The following FBXO28 variants were observed in gnomAD, a reference collection of about 807,000 sequenced individuals.
FBXO28 encodes F-box only protein 28.
A neutral mutation model predicts 38.1 loss-of-function variants in FBXO28; 8 were observed. The observed-to-expected ratio is 0.21, with a 90% CI of 0.12 to 0.38. The LOEUF is 0.38. FBXO28 is among the 10% of genes least tolerant of loss of function. FBXO28 has a pLI of 1.00. For missense variants in FBXO28, 345 were observed against 460.6 expected (o/e 0.75, Z 2.30); for synonymous variants, 168 against 173.8 (o/e 0.97, Z 0.26).
chr1:224,122,235 AT>A (rs1656796354), intron 1 of FBXO28, among the ~76,000 whole-genome samples: 1 of 151,884 alleles, frequency 6.6e-6, no homozygotes, highest in Admixed American at 6.6e-5. Flanking sequence ...TTTTTAAATG[AT>A]TTTTTCGTCC....
At chr1:224,142,533 A>G (rs187545352) in intron 3 of FBXO28, among the ~76,000 whole-genome samples, 19 of 150,696 alleles carry the variant, frequency 1.3e-4, no homozygotes, top group Admixed American at 8.6e-4. Flanking sequence ...AAAAAAAATC[A>G]GGCTGGGCTC....
chr1:224,152,558 G>A lies in FBXO28; in HGVS notation c.517-584G>A, dbSNP rs190034016. ...ACTGTGATTTCCTTCAGGGTTAGAAGCTTTATTTTATTCATCCTGATTCCT... is the reference window on the plus strand; with the variant it reads ...ACTGTGATTTCCTTCAGGGTTAGAAACTTTATTTTATTCATCCTGATTCCT... On this transcript the variant is annotated intron_variant, in intron 3 of 4. Transcript: ENST00000366862. Among the ~76,000 whole-genome samples, 158 of 152,246 alleles carry A rather than the reference G, an allele frequency of 1.0e-3. 3 individuals are homozygous for A. Among genetic ancestry groups the A allele is most frequent in the Admixed American group, 9.2e-3 (141 of 15,282 alleles).
chr1:224,114,372 C>A lies in FBXO28; in HGVS notation c.243C>A (p.Tyr81Ter). The change falls in exon 1 of 5, where the codon TAC becomes TAA. Residue 81 changes from tyrosine (Y) to a stop codon, truncating the protein, a stop_gained. Transcript: ENST00000366862. LOFTEE classifies it high-confidence loss of function. Reference protein sequence around the residue: ...AIENILSFMSYDEISQLRLVC... With the variant: ...AIENILSFMS ...AGAACATCCTCAGCTTTATGTCCTACGACGAAATTAGCCAGCTCCGCCTGG... is the reference window on the plus strand; with the variant it reads ...AGAACATCCTCAGCTTTATGTCCTAAGACGAAATTAGCCAGCTCCGCCTGG... 1 of 1,594,318 alleles carries A rather than the reference C, an allele frequency of 6.3e-7. No individual in the cohort carries two copies. Among genetic ancestry groups the A allele is most frequent in the Non-Finnish European group, 8.5e-7 (1 of 1,169,774 alleles).
intron 1 of FBXO28, among the ~76,000 whole-genome samples, chr1:224,117,989 A>AT (rs1209401533): frequency 5.9e-4 from 55 of 93,470 alleles, no homozygotes; most frequent in Admixed American, 2.8e-3. Flanking sequence ...GAGCTTTTTA[A>AT]TTAATTAATT....
intron 1 of FBXO28, among the ~76,000 whole-genome samples, chr1:224,128,503 T>C (rs12737029): frequency 0.16 from 24,009 of 152,106 alleles, 2,052 homozygotes; most frequent in Middle Eastern, 0.24. Flanking sequence ...TATAGCACTT[T>C]AGAGTTTACC....
chr1:224,118,445 A>G (rs921397957), intron 1 of FBXO28, among the ~76,000 whole-genome samples: 1 of 152,176 alleles, frequency 6.6e-6, no homozygotes, highest in African/African-American at 2.4e-5. Flanking sequence ...AATTGGAATC[A>G]TATTAGTGGT....
At chr1:224,133,757 C>T (rs553026364) in intron 2 of FBXO28, among the ~76,000 whole-genome samples, 8 of 152,086 alleles carry the variant, frequency 5.3e-5, no homozygotes, top group East Asian at 3.9e-4. Flanking sequence ...GTGATCCACC[C>T]GCCTCAGCCT....
chr1:224,149,745 A>G (rs1430345858), intron 3 of FBXO28, among the ~76,000 whole-genome samples: 1 of 152,202 alleles, frequency 6.6e-6, no homozygotes, highest in African/African-American at 2.4e-5. Flanking sequence ...ACAAATTGTA[A>G]TGTGTGTTCT....
intron 1 of FBXO28, among the ~76,000 whole-genome samples, chr1:224,122,615 C>T (rs528353694): frequency 6.6e-6 from 1 of 152,024 alleles, no homozygotes; most frequent in East Asian, 1.9e-4. Context: ...CAGCCCCCCC[C>T]AAGCCCCGCC....
chr1:224,151,762 G>T (rs116275907), intron 3 of FBXO28, among the ~76,000 whole-genome samples: 1,733 of 152,226 alleles, frequency 0.011, 47 homozygotes, highest in African/African-American at 0.04. Context: ...GGAATTTTAG[G>T]TCGGGCATGG....
intron 3 of FBXO28, among the ~76,000 whole-genome samples, chr1:224,144,267 C>A (rs902192325): frequency 6.6e-6 from 1 of 150,756 alleles, no homozygotes; most frequent in African/African-American, 2.4e-5. Context: ...AATTCAAGAC[C>A]AGCCTGAGCA....
chr1:224,133,007 A>T (rs967539041), intron 2 of FBXO28, among the ~76,000 whole-genome samples: 2 of 152,164 alleles, frequency 1.3e-5, no homozygotes, highest in African/African-American at 4.8e-5. Context: ...CCATCAGCTG[A>T]TGAGCAAACA....
intron 1 of FBXO28, among the ~76,000 whole-genome samples, chr1:224,122,883 A>C (rs936161079): frequency 6.6e-6 from 1 of 152,232 alleles, no homozygotes; most frequent in Non-Finnish European, 1.5e-5. Context: ...GCAGTTCTAT[A>C]ACAGCAGAGT....
rs1657856262 is a variant in FBXO28 at position 224,159,760 on chromosome 1, C to T, written c.*2014C>T. On this transcript the variant is annotated 3_prime_UTR_variant, in exon 5 of 5. Transcript: ENST00000366862. ...TGTTTACAGATTTACAGAGTGTGAT[C>T]CGTATGCATCAAAGGGATACAGCCC... 2.0e-5 allele frequency: 3 copies of T among 151,974 alleles called. No homozygotes were observed. The highest frequency in any genetic ancestry group is 4.8e-5 in the African/African-American group (2 of 41,376). The allele number at this position is 151,974 out of a possible 1,614,324, so 9.4% of individuals were successfully genotyped here. A position where few individuals can be genotyped will look rare whatever the true frequency, so the allele number is the denominator to read the frequency against.
chr1:224,134,106 C>G lies in FBXO28; in HGVS notation c.410C>G (p.Ala137Gly). The G allele has an allele frequency of 1.3e-6, 2 of 1,598,058 alleles. No individual in the cohort carries two copies. The highest frequency in any genetic ancestry group is 8.5e-7 in the Non-Finnish European group (1 of 1,172,784). The change falls in exon 3 of 5, where the codon GCT becomes GGT. Residue 137 changes from alanine (A) to glycine (G), a missense_variant. Coordinates refer to ENST00000366862, the MANE Select transcript of FBXO28 (RefSeq NM_015176.4). ...RESERRNHSL[A>G]RHADILAAVE... ...TCAGAAAGGAGAAACCATTCATTAGCTCGTCATGCAGACATTCTTGCTGCT... is the reference window on the plus strand; with the variant it reads ...TCAGAAAGGAGAAACCATTCATTAGGTCGTCATGCAGACATTCTTGCTGCT...
intron 1 of FBXO28, among the ~76,000 whole-genome samples, chr1:224,121,024 G>A (rs1008464063): frequency 4.0e-5 from 6 of 151,526 alleles, no homozygotes; most frequent in African/African-American, 9.7e-5. Flanking sequence ...ATTCACCCTA[G>A]AATGTCTTTA....
intron 4 of FBXO28, among the ~76,000 whole-genome samples, chr1:224,155,562 A>G (rs1657754686): frequency 2.0e-5 from 3 of 152,190 alleles, no homozygotes; most frequent in Non-Finnish European, 2.9e-5. Context: ...GCTCCTAGAG[A>G]TTTGTGCCTT....
In FBXO28 at chr1:224,114,126, C is replaced by T; in HGVS notation, c.-4C>T. The T allele has an allele frequency of 6.5e-7, 1 of 1,537,634 alleles. No homozygotes were observed. The highest frequency in any genetic ancestry group is 8.8e-7 in the Non-Finnish European group (1 of 1,140,862). ...CTGTGGGGGTAAGGAATCAAGCCCC[C>T]AAGATGGCGGCAGCGGCGGAGGAGC... On this transcript the variant is annotated 5_prime_UTR_variant, in exon 1 of 5. Coordinates refer to ENST00000366862, the MANE Select transcript of FBXO28 (RefSeq NM_015176.4).
chr1:224,133,296 T>C (rs1657096836), intron 2 of FBXO28, among the ~76,000 whole-genome samples: 1 of 152,176 alleles, frequency 6.6e-6, no homozygotes, highest in African/African-American at 2.4e-5. Context: ...TGGTGATAGT[T>C]GTACAATCCT....
Sources: allele counts gnomAD v4.1 joint callset (sites outside exome capture counted in the v4.1 genomes callset), GRCh38; gene constraint gnomAD v4.1.1; transcripts MANE v1.5; gene names NCBI Gene and HGNC (gene_info 2026-07-23, HGNC 2026-07-21).